DCC: variants seen among roughly 807,000 people sequenced by gnomAD.
DCC encodes DCC netrin 1 receptor, also known as netrin receptor DCC.
A neutral mutation model predicts 172.5 loss-of-function variants in DCC; 58 were observed. The observed-to-expected ratio is 0.34, with a 90% CI of 0.27 to 0.42. The LOEUF is 0.42. Among genes scored for constraint, DCC ranks in the 10% least tolerant of loss-of-function variants. DCC has a pLI of 1.00. For missense variants in DCC, 1,740 were observed against 1,791.0 expected, an observed-to-expected ratio of 0.97 and a Z score of 0.51; for synonymous variants, 709 against 644.5, an observed-to-expected ratio of 1.10 and a Z score of -1.52.
intron 1 of DCC, among the ~76,000 whole-genome samples, chr18:52,720,462 C>CA (rs1271959734): frequency 4.6e-5 from 7 of 152,150 alleles, no homozygotes; most frequent in Admixed American, 1.3e-4. Flanking sequence ...AGTGCTATCA[C>CA]ACAGGATGGG....
chr18:53,071,794 A>G (rs946124161), intron 7 of DCC, among the ~76,000 whole-genome samples: 1 of 152,194 alleles, frequency 6.6e-6, no homozygotes, highest in African/African-American at 2.4e-5. Context: ...TACTGCAAGT[A>G]TACTATTCAG....
intron 7 of DCC, among the ~76,000 whole-genome samples, chr18:53,125,307 T>A (rs2043539609): frequency 6.6e-6 from 1 of 152,080 alleles, no homozygotes; most frequent in Admixed American, 6.6e-5. Flanking sequence ...TCTTCTCCCA[T>A]TAATATCACG....
chr18:53,367,020 T>A (rs2058012750), intron 15 of DCC, among the ~76,000 whole-genome samples: 1 of 152,240 alleles, frequency 6.6e-6, no homozygotes, highest in African/African-American at 2.4e-5. Flanking sequence ...GTCACAGCTT[T>A]GTCTGTACCC....
chr18:53,170,646 G>A (rs569453747), intron 8 of DCC, among the ~76,000 whole-genome samples: 12 of 152,310 alleles, frequency 7.9e-5, no homozygotes, highest in African/African-American at 2.6e-4. Flanking sequence ...CATTATGGCA[G>A]AATCCATATT....
rs1279721621 is a variant in DCC at position 53,386,102 on chromosome 18, C to G, written c.2419C>G (p.Pro807Ala). Residue 807 changes from proline (P) to alanine (A), a missense_variant, in exon 16 of 29, where the codon CCT becomes GCT. Physicochemically the swap from Pro to Ala is conservative, Grantham distance 27 (BLOSUM62 -1). This residue lies in a region of DCC where 1,732 missense variants were observed against 1,767.4 expected (regional missense o/e 0.98). Transcript: ENST00000442544. ...TTTTAACAATGCCGGAGAAGGAGTT[C>G]CTCTTTATGAAAGTGCCACCACCAG... ...KAFNNAGEGV[P>A]LYESATTRSI... 6.2e-7 allele frequency: 1 copy of G among 1,613,250 alleles called. No individual in the cohort carries two copies. Among genetic ancestry groups the G allele is most frequent in the Admixed American group, 1.7e-5 (1 of 60,020 alleles).
intron 1 of DCC, among the ~76,000 whole-genome samples, chr18:52,466,169 G>T (rs1278675384): frequency 6.6e-6 from 1 of 152,132 alleles, no homozygotes; most frequent in African/African-American, 2.4e-5. Context: ...TCAGCTCCAA[G>T]CCCTTTAAAG....
chr18:53,231,069 C>T (rs1299039974), intron 12 of DCC, among the ~76,000 whole-genome samples: 1 of 151,756 alleles, frequency 6.6e-6, no homozygotes, highest in Non-Finnish European at 1.5e-5. Flanking sequence ...GAGGAGGACG[C>T]AGATGTCAAG....
chr18:52,974,429 G>A (rs1244958012), intron 5 of DCC, among the ~76,000 whole-genome samples: 2 of 152,124 alleles, frequency 1.3e-5, no homozygotes, highest in Non-Finnish European at 2.9e-5. Flanking sequence ...GTTGGTTGAC[G>A]GAGCCACATT....
chr18:52,460,902 T>G (rs764638559), intron 1 of DCC, among the ~76,000 whole-genome samples: 60 of 152,232 alleles, frequency 3.9e-4, no homozygotes, highest in Non-Finnish European at 7.2e-4. Flanking sequence ...GGACATGATG[T>G]ACACTATTGT....
Position 52,735,378 on chromosome 18 carries a change from C to T in DCC, c.92-16676C>T, listed in dbSNP as rs985945185. ...TCCCTCTTCCCAGATTATATATTTA[C>T]ATGATGTATTAGGGTTCTCTAAAGA... On this transcript the variant is annotated intron_variant, in intron 1 of 28. Coordinates refer to ENST00000442544, the MANE Select transcript of DCC (RefSeq NM_005215.4). Among the ~76,000 whole-genome samples the T allele has an allele frequency of 1.7e-4, 26 of 152,180 alleles. 1 individual carries two copies. The highest frequency in any genetic ancestry group is 6.8e-3 in the Middle Eastern group (2 of 294).
chr18:53,499,593 C>A (rs1440027561), intron 27 of DCC, 83 bp downstream of exon 27: 1 of 1,106,934 alleles, frequency 9.0e-7, no homozygotes, highest in Non-Finnish European at 1.4e-6. Context: ...TTGAGAAGGC[C>A]TAGATGTCAT....
intron 8 of DCC, among the ~76,000 whole-genome samples, chr18:53,165,280 G>T (rs2144421283): frequency 1.3e-5 from 2 of 152,256 alleles, no homozygotes; most frequent in South Asian, 4.1e-4. Flanking sequence ...GCTTCACATT[G>T]CTTTATGCTG....
chr18:52,647,212 T>A (rs2035035649), intron 1 of DCC, among the ~76,000 whole-genome samples: 1 of 152,214 alleles, frequency 6.6e-6, no homozygotes, highest in Non-Finnish European at 1.5e-5. Flanking sequence ...ACTGTTTTCT[T>A]CTTTACATTT....
At chr18:52,542,847 A>T (rs545052854) in intron 1 of DCC, among the ~76,000 whole-genome samples, 43 of 152,324 alleles carry the variant, frequency 2.8e-4, no homozygotes, top group Non-Finnish European at 2.1e-4. Context: ...CTAAAAAAAA[A>T]AGCAACTAGG....
intron 5 of DCC, among the ~76,000 whole-genome samples, chr18:53,028,559 T>C (rs561637194): frequency 5.0e-4 from 76 of 152,338 alleles, no homozygotes; most frequent in Non-Finnish European, 9.9e-4. Flanking sequence ...TAAATCATTA[T>C]TCTAATTCAG....
In DCC at chr18:52,764,606, T is replaced by A. The variant is rs527311213; in HGVS notation, c.412+12232T>A. Among the ~76,000 whole-genome samples the A allele has an allele frequency of 4.6e-5, 7 of 152,346 alleles. No individual in the cohort carries two copies. The South Asian group carries it at 1.5e-3, about 32-fold the overall frequency. On this transcript the variant is annotated intron_variant, in intron 2 of 28. Transcript: ENST00000442544. ...TCATGTGATGTCTGTACATGCTGGC[T>A]TCCCTTCACCTTCTGCCACAAATGG... is the stretch of plus-strand genomic sequence containing the variant.
intron 27 of DCC, among the ~76,000 whole-genome samples, chr18:53,516,497 A>G (rs1598837712): frequency 6.7e-6 from 1 of 148,852 alleles, no homozygotes. Flanking sequence ...AGAAACTACC[A>G]TCAGAGTGAA....
intron 24 of DCC, 44 bp from the exon 25 acceptor site, chr18:53,467,850 C>G (rs772860141): frequency 1.0e-6 from 1 of 958,800 alleles, no homozygotes; most frequent in Non-Finnish European, 1.7e-6. Context: ...TAAAGTGTTG[C>G]ATCCTTGAAG....
chr18:53,515,337 A>G (rs979601977), intron 27 of DCC, among the ~76,000 whole-genome samples: 25 of 150,286 alleles, frequency 1.7e-4, no homozygotes, highest in Admixed American at 3.3e-4. Context: ...CCCACAGCCA[A>G]TATCATACTG....
Sources: gnomAD v4.1 joint callset for allele counts (sites outside exome capture counted in the v4.1 genomes callset) on GRCh38, gnomAD v4.1.1 for gene constraint, gnomAD v4.1.1 regional missense constraint, MANE v1.5 for transcripts, NCBI Gene and HGNC (gene_info 2026-07-23, HGNC 2026-07-21) for gene names.